CEP128: variants seen among roughly 807,000 people sequenced by gnomAD.
The protein encoded by CEP128 is centrosomal protein 128kDa.
Under a neutral mutation model 156.7 loss-of-function variants are expected in CEP128, and 132 were observed. The ratio of observed to expected loss-of-function variants is 0.84; its 90% CI spans 0.73 to 0.97. The LOEUF (loss-of-function observed/expected upper bound fraction) is 0.97. CEP128 is among the 50% of genes least tolerant of loss of function. The pLI, the probability that CEP128 is intolerant of heterozygous loss-of-function variation, is 0.00. For missense variants in CEP128, 1,252 were observed against 1,281.9 expected, an observed-to-expected ratio of 0.98 and a Z score of 0.36; for synonymous variants, 469 against 448.9, an observed-to-expected ratio of 1.04 and a Z score of -0.57.
In CEP128 at chr14:80,906,027, T is replaced by G. The variant is rs1339307180; in HGVS notation, c.289A>C (p.Arg97=). Residue 97 remains arginine (R), a synonymous_variant, in exon 5 of 25, where the codon AGA becomes CGA. Transcript: ENST00000555265. The part of the protein sequence containing the change: ...IDQLRSQRLL[R]NSGGRSISVT... Reference sequence around the variant, plus strand: ...GAAATACTTCTCCCTCCTGAGTTTCTCAATAAACGTTGACTCCGGAGTTGG... The same window carrying G: ...GAAATACTTCTCCCTCCTGAGTTTCGCAATAAACGTTGACTCCGGAGTTGG... 3.1e-6 allele frequency: 5 copies of G among 1,612,778 alleles called. No individual in the cohort carries two copies. The highest frequency in any genetic ancestry group is 3.4e-6 in the Non-Finnish European group (4 of 1,179,380).
chr14:80,522,321 G>A (rs936659048), intron 23 of CEP128, among the ~76,000 whole-genome samples: 6 of 152,176 alleles, frequency 3.9e-5, no homozygotes, highest in African/African-American at 1.4e-4. Flanking sequence ...AAGATTCAAT[G>A]AGAGAGAAAT....
chr14:80,813,296 C>T lies in CEP128; in HGVS notation c.1209+17847G>A, dbSNP rs143176703. Among the ~76,000 whole-genome samples the T allele has an allele frequency of 3.1e-3, 474 of 152,190 alleles. 4 individuals carry two copies. The highest frequency in any genetic ancestry group is 0.01 in the Middle Eastern group (3 of 294). ...GTCATGAAGTCTTTGCCAGGGCTTA[C>T]GTACATGATTGCATTTCCTAGGTTT... On this transcript the variant is annotated intron_variant, in intron 13 of 24. Coordinates refer to ENST00000555265, the MANE Select transcript of CEP128 (RefSeq NM_152446.5).
At chr14:80,925,220 T>C (rs1366243519) in intron 2 of CEP128, among the ~76,000 whole-genome samples, 1 of 151,296 alleles carries the variant, frequency 6.6e-6, no homozygotes, top group Non-Finnish European at 1.5e-5. Flanking sequence ...GTCATCAGTA[T>C]AGGGGTGGAT....
intron 13 of CEP128, among the ~76,000 whole-genome samples, chr14:80,807,995 A>G (rs1321377362): frequency 6.6e-6 from 1 of 152,162 alleles, no homozygotes; most frequent in African/African-American, 2.4e-5. Flanking sequence ...GCACATCAAA[A>G]AAGCAGCCCC....
chr14:80,915,798 TA>T (rs1433310124), intron 3 of CEP128, among the ~76,000 whole-genome samples: 1 of 152,208 alleles, frequency 6.6e-6, no homozygotes, highest in Non-Finnish European at 1.5e-5. Flanking sequence ...TGCTTTACCC[TA>T]AAACACTCTC....
At chr14:80,574,545 G>T (rs1183724405) in intron 20 of CEP128, among the ~76,000 whole-genome samples, 1 of 152,132 alleles carries the variant, frequency 6.6e-6, no homozygotes, top group Non-Finnish European at 1.5e-5. Flanking sequence ...TAATTTATTT[G>T]CTAATGACAG....
At chr14:80,542,884 C>T (rs1868633) in intron 21 of CEP128, among the ~76,000 whole-genome samples, 29,475 of 151,964 alleles carry the variant, frequency 0.19, 3,274 homozygotes, top group African/African-American at 0.29. Context: ...TATTTAAAAG[C>T]GCCTTGGTGA....
intron 13 of CEP128, among the ~76,000 whole-genome samples, chr14:80,826,793 T>A (rs1885505727): frequency 6.7e-6 from 1 of 149,026 alleles, no homozygotes; most frequent in Non-Finnish European, 1.5e-5. Context: ...CTTTCTTGAA[T>A]TTAAAAGTCA....
intron 10 of CEP128, among the ~76,000 whole-genome samples, chr14:80,839,016 G>A (rs570806336): frequency 2.2e-4 from 34 of 152,230 alleles, no homozygotes; most frequent in African/African-American, 7.5e-4. Flanking sequence ...GAAGAATGGC[G>A]TGAACCTGGG....
intron 16 of CEP128, among the ~76,000 whole-genome samples, chr14:80,766,952 A>T (rs2139712866): frequency 6.6e-6 from 1 of 152,236 alleles, no homozygotes; most frequent in Admixed American, 6.5e-5. Context: ...CATCCCCTAA[A>T]AAGTTTTGAG....
intron 19 of CEP128, among the ~76,000 whole-genome samples, chr14:80,703,233 A>T (rs1897132598): frequency 6.6e-6 from 1 of 152,098 alleles, no homozygotes; most frequent in African/African-American, 2.4e-5. Context: ...AAGAACAAAT[A>T]AGTTATAAAA....
At chr14:80,666,332 A>G (rs1250687882) in intron 19 of CEP128, among the ~76,000 whole-genome samples, 1 of 152,216 alleles carries the variant, frequency 6.6e-6, no homozygotes, top group Admixed American at 6.5e-5. Flanking sequence ...CCTTGTGCGA[A>G]TTGGAGTTCT....
In CEP128 at chr14:80,678,049, A is replaced by AAATATATAT; in HGVS notation, c.2806+65025_2806+65026insATATATATT. Among the ~76,000 whole-genome samples the AAATATATAT allele has an allele frequency of 6.1e-3, 598 of 98,496 alleles. 7 individuals carry two copies. The highest frequency in any genetic ancestry group is 0.021 in the Middle Eastern group (4 of 190). 64.6% of individuals were successfully genotyped at this position (98,496 alleles called of 152,430 possible). On this transcript the variant is annotated intron_variant, in intron 19 of 24. Transcript: ENST00000555265. ...ATGGACAGTTGCTCTATAAAAAAAA[A>AAATATATAT]ATATATATATATATGTATATATATA...
chr14:80,693,161 T>A (rs1404557340), intron 19 of CEP128, among the ~76,000 whole-genome samples: 4 of 152,162 alleles, frequency 2.6e-5, no homozygotes, highest in Non-Finnish European at 5.9e-5. Flanking sequence ...ACACAAGCTT[T>A]CCTAAAGCCT....
intron 19 of CEP128, among the ~76,000 whole-genome samples, chr14:80,698,122 AT>A (rs980986441): frequency 1.1e-4 from 17 of 152,052 alleles, no homozygotes; most frequent in Non-Finnish European, 2.4e-4. Context: ...AGGAATCATT[AT>A]TTTTTGCTAT....
intron 19 of CEP128, among the ~76,000 whole-genome samples, chr14:80,664,289 G>A (rs533441949): frequency 5.6e-4 from 85 of 152,294 alleles, no homozygotes; most frequent in African/African-American, 1.9e-3. Context: ...GCAATAGACA[G>A]AGTTCAGGTC....
intron 19 of CEP128, among the ~76,000 whole-genome samples, chr14:80,733,745 C>G (rs1898393597): frequency 1.3e-5 from 2 of 152,030 alleles, no homozygotes; most frequent in South Asian, 4.1e-4. Context: ...TATTTCATGA[C>G]ATGCATATGT....
At chr14:80,858,133 T>A (rs1259315979) in intron 9 of CEP128, among the ~76,000 whole-genome samples, 2 of 151,878 alleles carry the variant, frequency 1.3e-5, no homozygotes, top group Admixed American at 6.6e-5. Context: ...TCACACTACC[T>A]GACTTCAAAC....
At chr14:80,622,683 A>G (rs1893533261) in intron 19 of CEP128, among the ~76,000 whole-genome samples, 1 of 150,430 alleles carries the variant, frequency 6.6e-6, no homozygotes, top group Non-Finnish European at 1.5e-5. Context: ...GAAGACATTT[A>G]TGCAGCCAAA....
Sources: allele counts gnomAD v4.1 joint callset (sites outside exome capture counted in the v4.1 genomes callset), GRCh38; gene constraint gnomAD v4.1.1; transcripts MANE v1.5; gene names NCBI Gene and HGNC (gene_info 2026-07-23, HGNC 2026-07-21).